Variants in TRAPPC9 observed in about 807,000 individuals in gnomAD.
The protein encoded by TRAPPC9 is IKK2 binding protein.
Under a neutral mutation model 124.0 loss-of-function variants are expected in TRAPPC9, and 83 were observed. That is an observed-to-expected ratio of 0.67 (90% CI 0.56 to 0.80). TRAPPC9 has a LOEUF of 0.80. TRAPPC9 is among the 30% of genes least tolerant of loss of function. TRAPPC9 has a pLI of 0.00. For synonymous variants in TRAPPC9, 638 were observed against 617.5 expected, an observed-to-expected ratio of 1.03 and a Z score of -0.49; for missense variants, 1,302 against 1,508.3, an observed-to-expected ratio of 0.86 and a Z score of 2.27.
chr8:139,824,125 G>C (rs1825459176), intron 21 of TRAPPC9, among the ~76,000 whole-genome samples: 1 of 152,196 alleles, frequency 6.6e-6, no homozygotes, highest in Non-Finnish European at 1.5e-5. Flanking sequence ...TTTTACAAGG[G>C]AGAAAGCAGA....
At chr8:140,002,626 C>A (rs1205721618) in intron 18 of TRAPPC9, among the ~76,000 whole-genome samples, 1 of 151,844 alleles carries the variant, frequency 6.6e-6, no homozygotes, top group Non-Finnish European at 1.5e-5. Context: ...TTCTAGGGTA[C>A]ACTAATATAG....
At chr8:140,438,391 C>A (rs1588355788) in intron 3 of TRAPPC9, among the ~76,000 whole-genome samples, 1 of 152,146 alleles carries the variant, frequency 6.6e-6, no homozygotes, top group Admixed American at 6.5e-5. Context: ...TACCACATTT[C>A]GTTTATCCAT....
chr8:140,287,244 T>A (rs1398969621), intron 13 of TRAPPC9, among the ~76,000 whole-genome samples: 2 of 152,106 alleles, frequency 1.3e-5, no homozygotes, highest in African/African-American at 4.8e-5. Context: ...GAGTCCAGGA[T>A]GTAGAGGGTT....
chr8:140,093,485 T>C (rs1844707662), intron 17 of TRAPPC9, among the ~76,000 whole-genome samples: 1 of 152,060 alleles, frequency 6.6e-6, no homozygotes, highest in Admixed American at 6.6e-5. Flanking sequence ...CTGGCCAACA[T>C]GGTGAACCCC....
chr8:139,878,789 A>AC (rs949855830), intron 21 of TRAPPC9, among the ~76,000 whole-genome samples: 9 of 152,226 alleles, frequency 5.9e-5, no homozygotes, highest in South Asian at 4.2e-4. Flanking sequence ...ACATAGGGAG[A>AC]CCCCATCTCT....
rs146730222 is a variant in TRAPPC9, at chr8:140,287,609, G to A, written c.1980C>T (p.Asn660=). 165 of 1,614,074 alleles carry A rather than the reference G, an allele frequency of 1.0e-4. No homozygotes were observed. In the Middle Eastern group the frequency reaches 1.2e-3, roughly 11 times the overall value. ...VPQTTGTITV[N]GYHTTVFGVF... is the part of the protein sequence containing the mutation. ...GAAGCATGAAGGGACTCTCCTTACC[G>A]TTCACAGTAATCGTTCCAGTCGTCT... is the stretch of plus-strand genomic sequence containing the variant. The change falls in exon 13 of 23, where the codon AAC becomes AAT. Residue 660 remains asparagine, a splice_region_variant and synonymous_variant. Coordinates refer to ENST00000438773, the MANE Select transcript of TRAPPC9 (RefSeq NM_001160372.4).
chr8:140,221,395 T>A, intron 17 of TRAPPC9, 64 bp downstream of exon 17: 1 of 1,609,896 alleles, frequency 6.2e-7, no homozygotes, highest in East Asian at 2.2e-5. Flanking sequence ...GAGCTGTGCT[T>A]CAGAAACGGC....
At chr8:139,883,441 G>T (rs1396205195) in intron 21 of TRAPPC9, among the ~76,000 whole-genome samples, 1 of 152,228 alleles carries the variant, frequency 6.6e-6, no homozygotes, top group African/African-American at 2.4e-5. Flanking sequence ...CACAGCAGGG[G>T]GCTGAGCCTA....
intron 15 of TRAPPC9, among the ~76,000 whole-genome samples, chr8:140,271,912 G>A (rs56069544): frequency 0.13 from 20,039 of 152,110 alleles, 1,383 homozygotes; most frequent in African/African-American, 0.15. Flanking sequence ...TGGCAGTGGT[G>A]GTGGTGGTAG....
intron 7 of TRAPPC9, among the ~76,000 whole-genome samples, chr8:140,377,933 A>AG (rs2068491473): frequency 1.3e-5 from 2 of 151,938 alleles, no homozygotes; most frequent in Admixed American, 1.3e-4. Flanking sequence ...GCACTCCAGC[A>AG]TGAGTGACAG....
chr8:140,358,716 G>A (rs531831357), intron 9 of TRAPPC9, among the ~76,000 whole-genome samples: 3 of 152,164 alleles, frequency 2.0e-5, no homozygotes, highest in East Asian at 1.9e-4. Context: ...GAGTGGGGTC[G>A]CCACCTGGAC....
intron 17 of TRAPPC9, among the ~76,000 whole-genome samples, chr8:140,120,567 CCAA>C (rs1428462996): frequency 2.0e-5 from 3 of 151,940 alleles, no homozygotes; most frequent in Admixed American, 6.6e-5. Flanking sequence ...ATCCATCCAT[CCAA>C]CATCCATCCA....
At position 140,155,353 on chromosome 8, in the gene TRAPPC9, C is replaced by T. The variant is rs991762843; in HGVS notation, c.2556+66106G>A. On this transcript the variant is annotated intron_variant, in intron 17 of 22. Transcript: ENST00000438773. Reference sequence around the variant, plus strand: ...GAGTGGAAGCTGCGGGTGGTAGCTACGGGAAAAAGCGTGTGCTCCCACCAC... The same window carrying T: ...GAGTGGAAGCTGCGGGTGGTAGCTATGGGAAAAAGCGTGTGCTCCCACCAC... 3.3e-5 allele frequency among the ~76,000 whole-genome samples: 5 copies of T among 152,114 alleles called. No homozygotes were observed. In the East Asian group the frequency reaches 9.6e-4, roughly 29 times the overall value.
At position 140,186,731 on chromosome 8, in the gene TRAPPC9, C is replaced by T. The variant is rs116838091; in HGVS notation, c.2556+34728G>A. On this transcript the variant is annotated intron_variant, in intron 17 of 22. Transcript: ENST00000438773. ...TAATTAATTGAAGCAAGTAGAAAAA[C>T]AGGAATCCTAAAATGCTGGGATCTT... Among the ~76,000 whole-genome samples, 910 of 152,256 alleles carry T rather than the reference C, an allele frequency of 6.0e-3. 8 individuals are homozygous for T. Among genetic ancestry groups the T allele is most frequent in the African/African-American group, 0.021 (865 of 41,536 alleles).
intron 17 of TRAPPC9, among the ~76,000 whole-genome samples, chr8:140,070,846 C>T (rs1476367600): frequency 6.6e-6 from 1 of 152,190 alleles, no homozygotes; most frequent in African/African-American, 2.4e-5. Context: ...CATTGCCAGG[C>T]AGCTGTGGGT....
intron 17 of TRAPPC9, among the ~76,000 whole-genome samples, chr8:140,163,978 C>G (rs933360646): frequency 6.6e-6 from 1 of 152,162 alleles, no homozygotes; most frequent in Non-Finnish European, 1.5e-5. Flanking sequence ...TAATTTAACT[C>G]GTTCGTGAAG....
intron 17 of TRAPPC9, among the ~76,000 whole-genome samples, chr8:140,035,874 C>T (rs577858316): frequency 5.9e-5 from 9 of 152,310 alleles, no homozygotes; most frequent in East Asian, 1.9e-4. Context: ...AGAAACCTGG[C>T]GTCTGGCCAC....
chr8:140,134,204 C>T (rs1421669989), intron 17 of TRAPPC9, among the ~76,000 whole-genome samples: 1 of 152,112 alleles, frequency 6.6e-6, no homozygotes, highest in African/African-American at 2.4e-5. Context: ...GACACACAGA[C>T]CAAGAGAATA....
At chr8:139,798,293 T>C (rs780646870) in intron 21 of TRAPPC9, among the ~76,000 whole-genome samples, 1 of 152,278 alleles carries the variant, frequency 6.6e-6, no homozygotes, top group Non-Finnish European at 1.5e-5. Flanking sequence ...TTTCTTAATA[T>C]CATGTTTGGA....
Sources: gnomAD v4.1 joint callset for allele counts (sites outside exome capture counted in the v4.1 genomes callset) on GRCh38, gnomAD v4.1.1 for gene constraint, MANE v1.5 for transcripts, NCBI Gene and HGNC (gene_info 2026-07-23, HGNC 2026-07-21) for gene names.